Variants in ACTR3C observed in about 807,000 individuals in gnomAD.
The protein encoded by ACTR3C is actin-related protein 3C.
ACTR3C carries 18 observed loss-of-function variants against 26.3 expected under a neutral mutation model. That is an observed-to-expected ratio of 0.68 (90% CI 0.47 to 1.01). The LOEUF (loss-of-function observed/expected upper bound fraction) is 1.01. Ranked by LOEUF, ACTR3C falls within the 50% of genes least tolerant of loss-of-function variation. ACTR3C has a pLI of 0.00. For synonymous variants in ACTR3C, 55 were observed against 94.5 expected (o/e 0.58, Z 2.42); for missense variants, 184 against 250.7 (o/e 0.73, Z 1.80).
the ACTR3C span, among the ~76,000 whole-genome samples, chr7:149,914,336 A>G: frequency 6.6e-6 from 1 of 152,120 alleles, no homozygotes; most frequent in African/African-American, 2.4e-5. Flanking sequence ...TCACACCTGT[A>G]ATCCTAGCAC....
the ACTR3C span, among the ~76,000 whole-genome samples, chr7:150,216,604 G>T: frequency 1.3e-5 from 2 of 151,902 alleles, no homozygotes; most frequent in African/African-American, 4.8e-5. Context: ...TCACTGCAAA[G>T]CCCATACTCT....
chr7:150,014,693 T>C, the ACTR3C span, among the ~76,000 whole-genome samples: 1 of 152,156 alleles, frequency 6.6e-6, no homozygotes, highest in African/African-American at 2.4e-5. Context: ...CAGGCGGTTG[T>C]TACCTAAGAA....
chr7:150,048,301 C>A, the ACTR3C span, among the ~76,000 whole-genome samples: 213 of 151,986 alleles, frequency 1.4e-3, 1 homozygote, highest in African/African-American at 4.8e-3. Context: ...CCAGGCCCCT[C>A]GCGCAGCTCC....
the ACTR3C span, among the ~76,000 whole-genome samples, chr7:150,173,423 G>A: frequency 6.8e-6 from 1 of 146,890 alleles, no homozygotes. Context: ...TGGGACACAG[G>A]GTACCAAGTC....
At chr7:149,993,662 C>T in the ACTR3C span, among the ~76,000 whole-genome samples, 26 of 151,962 alleles carry the variant, frequency 1.7e-4, no homozygotes, top group Non-Finnish European at 3.2e-4. Flanking sequence ...GGCAACCTTC[C>T]CCTTTGCAAT....
chr7:150,218,424 C>T, the ACTR3C span, among the ~76,000 whole-genome samples: 2 of 152,194 alleles, frequency 1.3e-5, no homozygotes, highest in Non-Finnish European at 2.9e-5. Flanking sequence ...TCACTTTAGG[C>T]CATCAAAGAT....
At chr7:150,134,367 G>A in the ACTR3C span, among the ~76,000 whole-genome samples, 1 of 152,322 alleles carries the variant, frequency 6.6e-6, no homozygotes, top group Admixed American at 6.5e-5. Context: ...GAGGGAAGAC[G>A]AGGGGAATGA....
chr7:150,221,853 C>A, the ACTR3C span, among the ~76,000 whole-genome samples: 1 of 152,056 alleles, frequency 6.6e-6, no homozygotes, highest in East Asian at 1.9e-4. Context: ...ACAAAATTAG[C>A]CAGGCGTGGT....
the ACTR3C span, among the ~76,000 whole-genome samples, chr7:149,947,924 AT>A: frequency 2.0e-5 from 3 of 151,816 alleles, no homozygotes; most frequent in Non-Finnish European, 4.4e-5. Context: ...TGCTACAGGC[AT>A]CTATTTCCTC....
chr7:149,882,636 A>G, the ACTR3C span, among the ~76,000 whole-genome samples: 2 of 152,104 alleles, frequency 1.3e-5, no homozygotes, highest in Non-Finnish European at 2.9e-5. Context: ...TCCAGGCCCG[A>G]GGTGGGAACC....
chr7:150,204,053 G>C, the ACTR3C span, among the ~76,000 whole-genome samples: 1 of 150,292 alleles, frequency 6.7e-6, no homozygotes, highest in Non-Finnish European at 1.5e-5. Context: ...TCATCTTTTG[G>C]GTGGAGGAAG....
At chr7:149,934,681 A>T in the ACTR3C span, among the ~76,000 whole-genome samples, 84 of 148,410 alleles carry the variant, frequency 5.7e-4, no homozygotes, top group East Asian at 0.015. Context: ...GCCTCCCTCC[A>T]CTCAGATGAG....
the ACTR3C span, among the ~76,000 whole-genome samples, chr7:149,915,288 C>T: frequency 2.0e-5 from 3 of 152,048 alleles, no homozygotes; most frequent in Middle Eastern, 3.4e-3. Flanking sequence ...AATGAATAGA[C>T]AGAAATCAAC....
At chr7:150,108,731 C>T in the ACTR3C span, among the ~76,000 whole-genome samples, 1 of 150,710 alleles carries the variant, frequency 6.6e-6, no homozygotes, top group African/African-American at 2.5e-5. Flanking sequence ...ACTTCGACCT[C>T]AGACTTTCCA....
At chr7:150,152,079 T>C in the ACTR3C span, among the ~76,000 whole-genome samples, 4 of 150,970 alleles carry the variant, frequency 2.6e-5, no homozygotes, top group African/African-American at 7.3e-5. Context: ...ATCATGTCAT[T>C]TGCAAACAGG....
chr7:150,085,992 T>G, the ACTR3C span, among the ~76,000 whole-genome samples: 1 of 151,970 alleles, frequency 6.6e-6, no homozygotes, highest in Non-Finnish European at 1.5e-5. Context: ...TCTTTTTTTT[T>G]TTGACACAGA....
chr7:150,280,500 C>A lies in ACTR3C; in HGVS notation c.564+4253G>T, dbSNP rs189905690. Among the ~76,000 whole-genome samples the A allele has an allele frequency of 1.1e-4, 16 of 152,228 alleles. No homozygotes were observed. The East Asian group carries it at 2.9e-3, about 28-fold the overall frequency. On this transcript the variant is annotated intron_variant, in intron 6 of 7. Transcript: ENST00000683684. ...AAGCAGAGAGTGGAATGGCAGTTAC[C>A]AGGTGCTGCGGAGTGGGGAGATGTT...
At chr7:150,006,466 G>A in the ACTR3C span, among the ~76,000 whole-genome samples, 13 of 148,822 alleles carry the variant, frequency 8.7e-5, no homozygotes, top group Admixed American at 3.4e-4. Context: ...CAAAGTGCTG[G>A]GATTACAGGC....
chr7:149,916,902 T>C, the ACTR3C span, among the ~76,000 whole-genome samples: 24 of 152,274 alleles, frequency 1.6e-4, no homozygotes, highest in East Asian at 4.1e-3. Flanking sequence ...AATAGTTACA[T>C]GTCTGCCTTT....
Sources: allele counts gnomAD v4.1 joint callset (sites outside exome capture counted in the v4.1 genomes callset), GRCh38; gene constraint gnomAD v4.1.1; transcripts MANE v1.5; gene names NCBI Gene and HGNC (gene_info 2026-07-23, HGNC 2026-07-21).